The following HYDIN variants were observed in gnomAD, a reference collection of about 807,000 sequenced individuals.
The protein encoded by HYDIN is HYDIN axonemal central pair apparatus protein.
Under a neutral mutation model 403.9 loss-of-function variants are expected in HYDIN, and 132 were observed. The ratio of observed to expected loss-of-function variants is 0.33; its 90% CI spans 0.28 to 0.38. The LOEUF is 0.38. HYDIN is among the 10% of genes least tolerant of loss of function. HYDIN has a pLI of 1.00. For synonymous variants in HYDIN, 1,202 were observed against 1,891.7 expected (o/e 0.64, Z 9.46); for missense variants, 2,827 against 5,009.5 (o/e 0.56, Z 13.15).
intron 12 of HYDIN, among the ~76,000 whole-genome samples, chr16:71,087,276 G>A (rs576643493): frequency 6.6e-6 from 1 of 152,252 alleles, no homozygotes; most frequent in East Asian, 1.9e-4. Context: ...AACAACAGAA[G>A]TTTATTTCTG....
At chr16:71,139,333 G>A (rs2085076038) in intron 7 of HYDIN, among the ~76,000 whole-genome samples, 2 of 152,102 alleles carry the variant, frequency 1.3e-5, no homozygotes, top group South Asian at 4.1e-4. Context: ...TGTTTAAAAA[G>A]CACATAACCA....
chr16:71,222,877 G>A (rs558608338), intron 1 of HYDIN, among the ~76,000 whole-genome samples: 5 of 152,250 alleles, frequency 3.3e-5, no homozygotes, highest in South Asian at 2.1e-4. Flanking sequence ...CTATGCTCAC[G>A]AATGGGAAGA....
At chr16:71,157,713 G>A (rs2085830002) in intron 6 of HYDIN, among the ~76,000 whole-genome samples, 1 of 149,180 alleles carries the variant, frequency 6.7e-6, no homozygotes, top group African/African-American at 2.5e-5. Context: ...GTCTAAACAG[G>A]AAAACAAAAA....
At chr16:70,894,040 C>G (rs1033716419) in intron 55 of HYDIN, 5 of 152,206 alleles carry the variant, frequency 3.3e-5, no homozygotes, top group African/African-American at 1.2e-4. Context: ...CATCTCCAGT[C>G]TCTCCCTCCA....
At chr16:70,999,966 T>A (rs969673278) in intron 23 of HYDIN, among the ~76,000 whole-genome samples, 3 of 152,100 alleles carry the variant, frequency 2.0e-5, no homozygotes, top group African/African-American at 7.2e-5. Context: ...TACATGATCT[T>A]AGAAAGGCTG....
chr16:70,900,717 G>GTTCATTCATTCA (rs72371722), intron 53 of HYDIN, among the ~76,000 whole-genome samples: 10 of 150,474 alleles, frequency 6.6e-5, no homozygotes, highest in South Asian at 2.1e-4. Flanking sequence ...TTGTTCATTT[G>GTTCATTCATTCA]TTCATTCATT....
rs1315159665 is a variant in HYDIN, at chr16:70,908,750, T to G, written c.8116A>C (p.Lys2706Gln). Reference sequence around the variant, plus strand: ...CCAGCAGGTTCCCCAGAAAGGACCTTCCTGTTTAAGGCCATGTGACGCTTG... The same window carrying G: ...CCAGCAGGTTCCCCAGAAAGGACCTGCCTGTTTAAGGCCATGTGACGCTTG... ...KDKRHMALNRKVLSGEPAGTI... is the reference protein window; with the variant it reads ...KDKRHMALNRQVLSGEPAGTI... Residue 2706 changes from lysine to glutamine, a missense_variant, in exon 48 of 86, where the codon AAG becomes CAG. Coordinates refer to ENST00000393567, the MANE Select transcript of HYDIN (RefSeq NM_001270974.2). 1.9e-6 allele frequency: 3 copies of G among 1,614,160 alleles called. No individual in the cohort carries two copies. The highest frequency in any genetic ancestry group is 2.5e-6 in the Non-Finnish European group (3 of 1,180,030).
In HYDIN at chr16:70,884,136, G is replaced by A; in HGVS notation, c.9775-12C>T. Reference sequence around the variant, plus strand: ...TGGGCGAAGCGGGCCTGCAGGACAAGGGTGGGAGGGATAGGAGGCTTGGAG... The same window carrying A: ...TGGGCGAAGCGGGCCTGCAGGACAAAGGTGGGAGGGATAGGAGGCTTGGAG... On this transcript the variant is annotated splice_polypyrimidine_tract_variant and intron_variant, in intron 58 of 85. Coordinates refer to ENST00000393567, the MANE Select transcript of HYDIN (RefSeq NM_001270974.2). 1 of 1,562,798 alleles carries A rather than the reference G, an allele frequency of 6.4e-7. No individual in the cohort carries two copies. The highest frequency in any genetic ancestry group is 8.7e-7 in the Non-Finnish European group (1 of 1,154,734).
At chr16:71,101,901 G>A in intron 10 of HYDIN, among the ~76,000 whole-genome samples, 1 of 152,126 alleles carries the variant, frequency 6.6e-6, no homozygotes, top group Non-Finnish European at 1.5e-5. Context: ...CTGTTCATAA[G>A]AGCATTATTC....
At chr16:71,157,554 G>A (rs2085824001) in intron 6 of HYDIN, among the ~76,000 whole-genome samples, 1 of 151,920 alleles carries the variant, frequency 6.6e-6, no homozygotes, top group Non-Finnish European at 1.5e-5. Context: ...AGCCATCAGC[G>A]TTCTCAGTTG....
chr16:71,050,352 C>T (rs1314459616), intron 18 of HYDIN, among the ~76,000 whole-genome samples: 1 of 139,816 alleles, frequency 7.2e-6, no homozygotes, highest in East Asian at 2.0e-4. Context: ...GAATCATATG[C>T]TCAGCTAAAC....
intron 71 of HYDIN, among the ~76,000 whole-genome samples, chr16:70,859,155 G>C (rs1257430258): frequency 6.6e-6 from 1 of 151,866 alleles, no homozygotes; most frequent in African/African-American, 2.4e-5. Flanking sequence ...CAAAAAATTA[G>C]CTGGGCGTGG....
chr16:70,803,991 T>A lies in HYDIN; in HGVS notation c.*3589A>T, dbSNP rs779245044. Among the ~76,000 whole-genome samples the A allele has an allele frequency of 6.6e-5, 10 of 152,244 alleles. No individual in the cohort carries two copies. The highest frequency in any genetic ancestry group is 1.5e-4 in the Non-Finnish European group (10 of 68,030). The stretch of plus-strand genomic sequence containing the variant: ...CCTGGTCTGCTTTGCTGAGAATGGA[T>A]TCTCCAATGTAACTTCCACAAGCAT... On this transcript the variant is annotated 3_prime_UTR_variant, in exon 86 of 86. Transcript: ENST00000393567.
At chr16:71,072,678 G>C (rs1363527585) in intron 13 of HYDIN, among the ~76,000 whole-genome samples, 1 of 152,050 alleles carries the variant, frequency 6.6e-6, no homozygotes, top group Non-Finnish European at 1.5e-5. Context: ...GATATGATTA[G>C]CTCCCTCTGT....
At chr16:71,201,214 G>A (rs373817016) in intron 1 of HYDIN, among the ~76,000 whole-genome samples, 1 of 152,164 alleles carries the variant, frequency 6.6e-6, no homozygotes, top group East Asian at 1.9e-4. Flanking sequence ...AGCTTCAGGA[G>A]GTCAGAGATC....
intron 66 of HYDIN, among the ~76,000 whole-genome samples, chr16:70,866,955 G>A (rs2039788988): frequency 6.6e-6 from 1 of 151,066 alleles, no homozygotes; most frequent in African/African-American, 2.4e-5. Context: ...AACCTAGGAG[G>A]TGGAGGTTGC....
intron 35 of HYDIN, among the ~76,000 whole-genome samples, chr16:70,971,215 C>T (rs1259410200): frequency 5.9e-5 from 9 of 152,210 alleles, no homozygotes; most frequent in Non-Finnish European, 1.3e-4. Context: ...AGCAATGACT[C>T]TGGGGATTTA....
chr16:71,176,932 A>C (rs113838286), intron 4 of HYDIN, among the ~76,000 whole-genome samples: 2 of 152,304 alleles, frequency 1.3e-5, no homozygotes, highest in African/African-American at 4.8e-5. Flanking sequence ...CGGGGCCCCA[A>C]ATCTCTCCCC....
chr16:71,108,529 G>T (rs1459698831), intron 10 of HYDIN, among the ~76,000 whole-genome samples: 1 of 151,934 alleles, frequency 6.6e-6, no homozygotes, highest in Non-Finnish European at 1.5e-5. Context: ...ATAATGTACC[G>T]GTATGTGTAT....
Sources: gnomAD v4.1 joint callset for allele counts (sites outside exome capture counted in the v4.1 genomes callset) on GRCh38, gnomAD v4.1.1 for gene constraint, MANE v1.5 for transcripts, NCBI Gene and HGNC (gene_info 2026-07-23, HGNC 2026-07-21) for gene names.